The following MYL10 variants were observed in gnomAD, a reference collection of about 807,000 sequenced individuals.
MYL10 encodes the protein myosin regulatory light chain 10.
A neutral mutation model predicts 21.9 loss-of-function variants in MYL10; 18 were observed. The ratio of observed to expected loss-of-function variants is 0.82; its 90% CI spans 0.57 to 1.22. MYL10 has a LOEUF of 1.22. MYL10 is among the 50% of genes most tolerant of loss of function. MYL10 has a pLI of 0.00. For synonymous variants in MYL10, 88 were observed against 82.8 expected (o/e 1.06, Z -0.34); for missense variants, 225 against 230.4 (o/e 0.98, Z 0.15).
At chr7:101,614,731 ATG>A (rs1796588908) in intron 6 of MYL10, among the ~76,000 whole-genome samples, 1 of 152,144 alleles carries the variant, frequency 6.6e-6, no homozygotes, top group African/African-American at 2.4e-5. Context: ...CCAGGGGAGT[ATG>A]TGACTCATGG....
rs772514062 is a variant in MYL10 at position 101,623,059 on chromosome 7, A to G, written c.287T>C (p.Met96Thr). 1.4e-5 allele frequency: 22 copies of G among 1,613,974 alleles called. No individual in the cohort carries two copies. Among genetic ancestry groups the G allele is most frequent in the Non-Finnish European group, 1.7e-5 (20 of 1,179,972 alleles). ...GATGAAGCCATCACGGTTCTGGTCC[A>G]TGATGGTGAAAGCCTGGCAGAGACA... ...PASASQAFTI[M>T]DQNRDGFIDK... Residue 96 changes from methionine to threonine, a missense_variant, in exon 4 of 8, where the codon ATG becomes ACG. Physicochemically the swap from Met to Thr is moderately conservative, Grantham distance 81. Coordinates refer to ENST00000223167, the MANE Select transcript of MYL10 (RefSeq NM_138403.5).
At chr7:101,623,200 GATGGGCTC>G in intron 3 of MYL10, 128 bp from the exon 4 acceptor site, 1 of 730,330 alleles carries the variant, frequency 1.4e-6, no homozygotes, top group Non-Finnish European at 2.3e-6. Flanking sequence ...GCCCAGCTGG[GATGGGCTC>G]CATCCCCAAC....
At chr7:101,621,330 A>C (rs1188849258) in intron 5 of MYL10, among the ~76,000 whole-genome samples, 1 of 151,986 alleles carries the variant, frequency 6.6e-6, no homozygotes, top group Non-Finnish European at 1.5e-5. Flanking sequence ...GAGTCTCTTC[A>C]TTTGTGAATG....
intron 1 of MYL10, among the ~76,000 whole-genome samples, chr7:101,624,554 C>T (rs1181745546): frequency 1.3e-5 from 2 of 152,238 alleles, no homozygotes. Context: ...TGCTGCAGAA[C>T]AGAGGCGGGC....
In MYL10 at chr7:101,620,444, C is replaced by G. The variant is rs79800140; in HGVS notation, c.454+1652G>C. Among the ~76,000 whole-genome samples, 1,294 of 152,278 alleles carry G rather than the reference C, an allele frequency of 8.5e-3. 14 individuals are homozygous for G. Among genetic ancestry groups the G allele is most frequent in the African/African-American group, 0.03 (1,227 of 41,564 alleles). On this transcript the variant is annotated intron_variant, in intron 5 of 7. Coordinates refer to ENST00000223167, the MANE Select transcript of MYL10 (RefSeq NM_138403.5). ...AGCCACCAGAGGCTGGGAGAGACAA[C>G]GGATTCTCCCCAAATCCTCTGCCAG...
chr7:101,625,537 C>T (rs888029990), intron 1 of MYL10, among the ~76,000 whole-genome samples: 12 of 151,692 alleles, frequency 7.9e-5, no homozygotes, highest in Admixed American at 2.6e-4. Flanking sequence ...CCTCCCCCAA[C>T]GCCTGTGTGG....
chr7:101,617,627 T>C (rs1490924514), intron 5 of MYL10, among the ~76,000 whole-genome samples: 1 of 152,246 alleles, frequency 6.6e-6, no homozygotes, highest in African/African-American at 2.4e-5. Flanking sequence ...GGACCATCTG[T>C]GCCTCCCCCA....
At chr7:101,621,029 T>C (rs975660684) in intron 5 of MYL10, among the ~76,000 whole-genome samples, 1 of 152,054 alleles carries the variant, frequency 6.6e-6, no homozygotes, top group African/African-American at 2.4e-5. Context: ...CCTCAGGTGA[T>C]CCACCCACCT....
intron 5 of MYL10, 110 bp downstream of exon 5, chr7:101,621,986 C>G (rs1040672530): frequency 5.0e-5 from 40 of 807,722 alleles, no homozygotes; most frequent in Non-Finnish European, 7.4e-5. Context: ...TGTCTGGGGC[C>G]ACATCATGCT....
intron 5 of MYL10, among the ~76,000 whole-genome samples, chr7:101,621,219 G>A (rs555286750): frequency 4.6e-5 from 7 of 152,218 alleles, no homozygotes; most frequent in African/African-American, 1.4e-4. Flanking sequence ...GCTGTGTCTC[G>A]GGCGGGTACA....
chr7:101,616,925 C>A (rs373275328), intron 5 of MYL10, among the ~76,000 whole-genome samples: 5 of 152,184 alleles, frequency 3.3e-5, no homozygotes, highest in African/African-American at 7.2e-5. Flanking sequence ...GCTTTTATCC[C>A]GGTCACAGCA....
chr7:101,624,034 C>A lies in MYL10; in HGVS notation c.172-13G>T. Reference sequence around the variant, plus strand: ...ACAGAGCCAGACTCTGTCAAACAAACAAATAATAATAATAATAATAGTAAT... The same window carrying A: ...ACAGAGCCAGACTCTGTCAAACAAAAAAATAATAATAATAATAATAGTAAT... On this transcript the variant is annotated splice_polypyrimidine_tract_variant and intron_variant, in intron 2 of 7. Transcript: ENST00000223167. 1 of 652,542 alleles carries A rather than the reference C, an allele frequency of 1.5e-6. No homozygotes were observed. The highest frequency in any genetic ancestry group is 1.7e-5 in the South Asian group (1 of 57,932). The allele number at this position is 652,542 out of a possible 1,614,324, so 40.4% of individuals were successfully genotyped here. A position where few individuals can be genotyped will look rare whatever the true frequency, so the allele number is the denominator to read the frequency against.
At chr7:101,627,925 G>A (rs1173810993) in intron 1 of MYL10, among the ~76,000 whole-genome samples, 5 of 152,214 alleles carry the variant, frequency 3.3e-5, no homozygotes, top group African/African-American at 4.8e-5. Flanking sequence ...CTCTGGAGCT[G>A]TGGGACTCTG....
Position 101,622,327 on chromosome 7 carries a change from C to A in MYL10, c.350-127G>T, listed in dbSNP as rs1236853735. 7 of 636,516 alleles carry A rather than the reference C, an allele frequency of 1.1e-5. No individual in the cohort carries two copies. The East Asian group carries it at 2.2e-4, about 20-fold the overall frequency. 39.4% of individuals were successfully genotyped at this position (636,516 alleles called of 1,614,324 possible). On this transcript the variant is annotated intron_variant, in intron 4 of 7. Transcript: ENST00000223167. ...CCCACTCAGCCCTAAGGCCCTGACGCCTTTTTGGGGGACTCTTTAGGGGGC... is the reference window on the plus strand; with the variant it reads ...CCCACTCAGCCCTAAGGCCCTGACGACTTTTTGGGGGACTCTTTAGGGGGC...
intron 6 of MYL10, 47 bp downstream of exon 6, chr7:101,616,173 G>T (rs781556333): frequency 2.6e-6 from 4 of 1,559,746 alleles, no homozygotes; most frequent in Non-Finnish European, 2.7e-6. Context: ...CCAGCCCAAA[G>T]CTGGCTTATT....
At position 101,627,048 on chromosome 7, in the gene MYL10, C is replaced by T. The variant is rs149163135; in HGVS notation, c.78+1993G>A. ...GGCTCACGCCTGTAATCCCAGCACT[C>T]TGGGAGGCCGAAGCGGGTGAATCAC... On this transcript the variant is annotated intron_variant, in intron 1 of 7. Transcript: ENST00000223167. 2.2e-3 allele frequency among the ~76,000 whole-genome samples: 337 copies of T among 151,686 alleles called. 1 individual carries two copies. The highest frequency in any genetic ancestry group is 7.5e-3 in the African/African-American group (309 of 41,302).
chr7:101,620,209 C>A (rs1420689401), intron 5 of MYL10, among the ~76,000 whole-genome samples: 1 of 152,134 alleles, frequency 6.6e-6, no homozygotes, highest in Non-Finnish European at 1.5e-5. Context: ...CCTGTAATCC[C>A]AGCTTCTTGG....
rs765438912 is a variant in MYL10 at position 101,629,220 on chromosome 7, G to A, written c.-102C>T. 1.2e-4 allele frequency: 38 copies of A among 306,334 alleles called. No individual in the cohort carries two copies. Among genetic ancestry groups the A allele is most frequent in the African/African-American group, 5.5e-4 (24 of 43,836 alleles). The allele number at this position is 306,334 out of a possible 1,614,324, so 19.0% of individuals were successfully genotyped here. On this transcript the variant is annotated 5_prime_UTR_variant, in exon 1 of 8. Coordinates refer to ENST00000223167, the MANE Select transcript of MYL10 (RefSeq NM_138403.5). ...CCCTTATCCCGTTCATAGGGCATGC[G>A]ATGGGGGTGTGGCTCGCTTCTTCCA... is the stretch of plus-strand genomic sequence containing the variant.
intron 2 of MYL10, 23 bp from the exon 3 acceptor site, chr7:101,624,044 T>C: frequency 1.5e-6 from 1 of 658,712 alleles, no homozygotes; most frequent in Non-Finnish European, 2.7e-6. Flanking sequence ...CAAATAATAA[T>C]AATAATAATA....
Sources: gnomAD v4.1 joint callset for allele counts (sites outside exome capture counted in the v4.1 genomes callset) on GRCh38, gnomAD v4.1.1 for gene constraint, MANE v1.5 for transcripts, NCBI Gene and HGNC (gene_info 2026-07-23, HGNC 2026-07-21) for gene names.